The following SPTBN1 variants were observed in gnomAD, a reference collection of about 807,000 sequenced individuals.
SPTBN1 encodes spectrin beta chain, non-erythrocytic 1.
In SPTBN1, 32 loss-of-function variants were observed where a neutral mutation model predicts 266.4. The observed-to-expected ratio is 0.12, with a 90% CI of 0.09 to 0.16. The LOEUF is 0.16. Ranked by LOEUF, SPTBN1 falls within the 10% of genes least tolerant of loss-of-function variation. SPTBN1 has a pLI of 1.00. For synonymous variants in SPTBN1, 1,336 were observed against 1,162.2 expected, an observed-to-expected ratio of 1.15 and a Z score of -3.04; for missense variants, 2,296 against 3,067.1, an observed-to-expected ratio of 0.75 and a Z score of 5.94.
At chr2:54,479,954 C>T (rs1466734529) in intron 1 of SPTBN1, among the ~76,000 whole-genome samples, 1 of 152,046 alleles carries the variant, frequency 6.6e-6, no homozygotes, top group Non-Finnish European at 1.5e-5. Context: ...TTCAGCCTTC[C>T]AAGCAAACTT....
At chr2:54,638,627 A>C (rs1679316475) in intron 18 of SPTBN1, among the ~76,000 whole-genome samples, 1 of 152,376 alleles carries the variant, frequency 6.6e-6, no homozygotes, top group South Asian at 2.1e-4. Context: ...AATAGTATCT[A>C]GCTGATTTCA....
intron 2 of SPTBN1, among the ~76,000 whole-genome samples, chr2:54,552,686 A>AC (rs924178819): frequency 2.0e-5 from 3 of 151,480 alleles, no homozygotes; most frequent in African/African-American, 7.3e-5. Context: ...CCACCTCCTG[A>AC]CCTCGTGATC....
chr2:54,636,961 G>A (rs766790374), intron 17 of SPTBN1, among the ~76,000 whole-genome samples: 1 of 152,218 alleles, frequency 6.6e-6, no homozygotes, highest in Non-Finnish European at 1.5e-5. Flanking sequence ...CTATTTCTCA[G>A]TTTCCAGTCT....
At chr2:54,503,875 A>G (rs965260566) in intron 1 of SPTBN1, among the ~76,000 whole-genome samples, 1 of 152,188 alleles carries the variant, frequency 6.6e-6, no homozygotes, top group African/African-American at 2.4e-5. Context: ...CATAATCTAT[A>G]TATGGAAGAT....
intron 18 of SPTBN1, among the ~76,000 whole-genome samples, chr2:54,640,224 T>TA (rs763307663): frequency 4.0e-4 from 61 of 152,316 alleles, no homozygotes; most frequent in Non-Finnish European, 5.9e-4. Context: ...TTTGATAATC[T>TA]ACCTGTCATT....
At chr2:54,482,347 T>G (rs1200636942) in intron 1 of SPTBN1, among the ~76,000 whole-genome samples, 1 of 142,460 alleles carries the variant, frequency 7.0e-6, no homozygotes, top group Non-Finnish European at 1.5e-5. Context: ...AGACCTCATC[T>G]CTACAGCAGG....
intron 2 of SPTBN1, among the ~76,000 whole-genome samples, chr2:54,555,830 G>T (rs1672833066): frequency 6.6e-6 from 1 of 152,184 alleles, no homozygotes; most frequent in African/African-American, 2.4e-5. Context: ...CCAGCCTGTT[G>T]ATGTCTACCT....
intron 1 of SPTBN1, chr2:54,515,877 G>C (rs1670086529): frequency 6.6e-6 from 1 of 151,970 alleles, no homozygotes; most frequent in African/African-American, 2.4e-5. Flanking sequence ...TCATGCCATA[G>C]ATACATTATA....
Position 54,526,553 on chromosome 2 carries a change from C to A in SPTBN1, c.135C>A (p.Ile45=). ...SSARLFERSR[I]KALADEREAV... ...CGCGGCTTTTTGAGCGGTCCCGCATCAAGGCTCTGGCAGGTGAGTCCTTCA... is the reference window on the plus strand; with the variant it reads ...CGCGGCTTTTTGAGCGGTCCCGCATAAAGGCTCTGGCAGGTGAGTCCTTCA... Residue 45 remains isoleucine, a synonymous_variant, in exon 2 of 36, where the codon ATC becomes ATA. Transcript: ENST00000356805. The A allele has an allele frequency of 6.2e-7, 1 of 1,613,782 alleles. No homozygotes were observed. Among genetic ancestry groups the A allele is most frequent in the East Asian group, 2.2e-5 (1 of 44,876 alleles).
At position 54,614,138 on chromosome 2, in the gene SPTBN1, C is replaced by T. The variant is rs769533653; in HGVS notation, c.474+1804C>T. 5.9e-5 allele frequency among the ~76,000 whole-genome samples: 9 copies of T among 152,176 alleles called. No individual in the cohort carries two copies. In the South Asian group the frequency reaches 8.3e-4, roughly 14 times the overall value. ...GAGGCATAGGCTGCTGATGTTACCG[C>T]GTGGCCTGCAGTGTTGTTGTCTTAA... On this transcript the variant is annotated intron_variant, in intron 4 of 35. Transcript: ENST00000356805.
chr2:54,523,766 C>G (rs1390625972), intron 1 of SPTBN1, among the ~76,000 whole-genome samples: 2 of 152,134 alleles, frequency 1.3e-5, no homozygotes, highest in African/African-American at 4.8e-5. Context: ...TGAGTGGTGT[C>G]TGGTTTGGTT....
intron 2 of SPTBN1, among the ~76,000 whole-genome samples, chr2:54,595,231 A>C (rs182523476): frequency 6.6e-6 from 1 of 152,230 alleles, no homozygotes; most frequent in Non-Finnish European, 1.5e-5. Context: ...TTTGATGTGC[A>C]CTTTACCTCC....
chr2:54,517,559 TATTA>T (rs1670178534), intron 1 of SPTBN1, among the ~76,000 whole-genome samples: 1 of 152,096 alleles, frequency 6.6e-6, no homozygotes, highest in Non-Finnish European at 1.5e-5. Flanking sequence ...ATTTAATAAT[TATTA>T]ATAGGTCTCA....
At chr2:54,479,820 C>A (rs1401317024) in intron 1 of SPTBN1, among the ~76,000 whole-genome samples, 1 of 151,666 alleles carries the variant, frequency 6.6e-6, no homozygotes, top group African/African-American at 2.4e-5. Context: ...GTATTCAGTT[C>A]GCTTTCTATT....
chr2:54,636,541 C>CT (rs1679155149), intron 17 of SPTBN1, among the ~76,000 whole-genome samples: 2 of 152,176 alleles, frequency 1.3e-5, no homozygotes, highest in Non-Finnish European at 2.9e-5. Flanking sequence ...CATCTCTACT[C>CT]TAAGATCTTT....
intron 2 of SPTBN1, chr2:54,527,914 T>C (rs1045509611): frequency 2.1e-4 from 32 of 152,342 alleles, no homozygotes; most frequent in East Asian, 1.9e-4. Flanking sequence ...ACAAGTTGGC[T>C]AGAAAGATTG....
intron 2 of SPTBN1, 134 bp from the exon 3 acceptor site, chr2:54,598,958 G>A: frequency 1.2e-6 from 1 of 853,648 alleles, no homozygotes; most frequent in Non-Finnish European, 1.8e-6. Context: ...CAGTTAAGGG[G>A]CGCTAAGTAG....
chr2:54,622,159 A>T, intron 8 of SPTBN1, 141 bp from the exon 9 acceptor site: 5 of 757,324 alleles, frequency 6.6e-6, no homozygotes, highest in Non-Finnish European at 1.0e-5. Context: ...GCTTGTGCCC[A>T]GGTACAGCTG....
At chr2:54,529,312 AC>A in intron 2 of SPTBN1, 2 of 511,578 alleles carry the variant, frequency 3.9e-6, no homozygotes, top group Non-Finnish European at 7.3e-6. Context: ...CAGTAGAGTT[AC>A]CTCAAAGATA....
Sources: gnomAD v4.1 joint callset for allele counts (sites outside exome capture counted in the v4.1 genomes callset) on GRCh38, gnomAD v4.1.1 for gene constraint, MANE v1.5 for transcripts, NCBI Gene and HGNC (gene_info 2026-07-23, HGNC 2026-07-21) for gene names.